The following DNAAF5 variants were observed in gnomAD, a reference collection of about 807,000 sequenced individuals.
DNAAF5 encodes HEAT repeat containing 2.
Under a neutral mutation model 75.8 loss-of-function variants are expected in DNAAF5, and 64 were observed. The observed-to-expected ratio is 0.84, with a 90% CI of 0.69 to 1.04. The LOEUF (loss-of-function observed/expected upper bound fraction) is 1.04. DNAAF5 is among the 50% of genes least tolerant of loss of function. DNAAF5 has a pLI of 0.00. For missense variants in DNAAF5, 1,269 were observed against 1,178.5 expected, an observed-to-expected ratio of 1.08 and a Z score of -1.12; for synonymous variants, 657 against 557.2, an observed-to-expected ratio of 1.18 and a Z score of -2.52.
intron 11 of DNAAF5, among the ~76,000 whole-genome samples, chr7:779,515 A>G (rs1778867807): frequency 6.6e-6 from 1 of 152,192 alleles, no homozygotes; most frequent in South Asian, 2.1e-4. Context: ...TGACCACAGT[A>G]GGGGGTTGTC....
chr7:782,255 C>G (rs9648155), intron 12 of DNAAF5, among the ~76,000 whole-genome samples: 1 of 57,870 alleles, frequency 1.7e-5, no homozygotes, highest in Non-Finnish European at 4.1e-5. Flanking sequence ...CGGATCTTCG[C>G]GGCGTGGCCA....
intron 4 of DNAAF5, among the ~76,000 whole-genome samples, chr7:745,161 A>C (rs1223203231): frequency 6.6e-6 from 1 of 152,096 alleles, no homozygotes; most frequent in African/African-American, 2.4e-5. Flanking sequence ...CTCCTTAGAG[A>C]GGGTCCAGCC....
intron 6 of DNAAF5, among the ~76,000 whole-genome samples, chr7:761,367 AT>A (rs1196582987): frequency 2.0e-5 from 3 of 152,250 alleles, no homozygotes; most frequent in Non-Finnish European, 2.9e-5. Context: ...GGAGCCCTGT[AT>A]TAGTCCATTC....
intron 4 of DNAAF5, among the ~76,000 whole-genome samples, chr7:751,497 C>T (rs930968903): frequency 6.6e-6 from 1 of 151,084 alleles, no homozygotes; most frequent in Non-Finnish European, 1.5e-5. Context: ...GAGACCCTTT[C>T]TCTAAAAATA....
chr7:740,543 A>G lies in DNAAF5; in HGVS notation c.781-276A>G, dbSNP rs1479837409. Among the ~76,000 whole-genome samples, 11 of 152,224 alleles carry G rather than the reference A, an allele frequency of 7.2e-5. No individual in the cohort carries two copies. The South Asian group carries it at 2.3e-3, about 32-fold the overall frequency. ...ACAGGACCAGGCCGGGGCACGGGGT[A>G]TGTGTGTGTGAGCCTGCAGGACAGC... On this transcript the variant is annotated intron_variant, in intron 2 of 12. Coordinates refer to ENST00000297440, the MANE Select transcript of DNAAF5 (RefSeq NM_017802.4).
chr7:781,528 T>C (rs980960969), intron 12 of DNAAF5, among the ~76,000 whole-genome samples: 9 of 152,284 alleles, frequency 5.9e-5, no homozygotes, highest in Non-Finnish European at 8.8e-5. Flanking sequence ...TTTTGGGTAT[T>C]TGCCCAGAAG....
intron 2 of DNAAF5, among the ~76,000 whole-genome samples, chr7:738,003 C>T (rs186551837): frequency 2.6e-5 from 4 of 152,350 alleles, no homozygotes; most frequent in Admixed American, 2.0e-4. Flanking sequence ...AGTAAACTTT[C>T]TACCCCGATT....
rs1344543560 is a variant in DNAAF5, at chr7:754,096, G to A, written c.1025-493G>A. On this transcript the variant is annotated intron_variant, in intron 4 of 12. Coordinates refer to ENST00000297440, the MANE Select transcript of DNAAF5 (RefSeq NM_017802.4). The surrounding 1 kb of genome is among the most constrained non-coding windows in gnomAD (Gnocchi z 4.8). ...TCTCTGATCATAGGGGGACGGCTTCGCAGGCGTGTCTCTCTGATCATACAC... is the reference window on the plus strand; with the variant it reads ...TCTCTGATCATAGGGGGACGGCTTCACAGGCGTGTCTCTCTGATCATACAC... Among the ~76,000 whole-genome samples, 3 of 152,048 alleles carry A rather than the reference G, an allele frequency of 2.0e-5. No homozygotes were observed. The highest frequency in any genetic ancestry group is 6.5e-5 in the Admixed American group (1 of 15,268).
chr7:781,600 C>T (rs985384364), intron 12 of DNAAF5, among the ~76,000 whole-genome samples: 1 of 152,216 alleles, frequency 6.6e-6, no homozygotes, highest in East Asian at 1.9e-4. Context: ...AGACTGTTCT[C>T]CCAGCGGTGC....
At chr7:742,795 TCATGCCCAGCTCAAATCA>T (rs1332453619) in intron 4 of DNAAF5, among the ~76,000 whole-genome samples, 9 of 140,072 alleles carry the variant, frequency 6.4e-5, no homozygotes, top group African/African-American at 2.5e-4. Context: ...CTCAAATCAA[TCATGCCCAGCTCAAATCA>T]CATGCCCCGC....
chr7:762,780 ATTTTTAT>A (rs1782705039), intron 7 of DNAAF5, among the ~76,000 whole-genome samples: 3 of 151,852 alleles, frequency 2.0e-5, no homozygotes, highest in Admixed American at 6.6e-5. Flanking sequence ...TACCCGGCTA[ATTTTTAT>A]ATTTTTAGTA....
Position 761,789 on chromosome 7 carries a change from G to A in DNAAF5, c.1507G>A (p.Ala503Thr), listed in dbSNP as rs773744343. Reference sequence around the variant, plus strand: ...GGAGCGCCTGCTGCTGTGTGTGCAGGCTCTGGTGTCTGTGTGTCATGAGGA... The same window carrying A: ...GGAGCGCCTGCTGCTGTGTGTGCAGACTCTGGTGTCTGTGTGTCATGAGGA... ...YLERLLLCVQ[A>T]LVSVCHEDCG... Residue 503 changes from alanine (A) to threonine (T), a missense_variant, in exon 7 of 13, where the codon GCT becomes ACT. Physicochemically the swap from Ala to Thr is moderately conservative, Grantham distance 58. Transcript: ENST00000297440. The A allele has an allele frequency of 6.2e-7, 1 of 1,605,708 alleles. No individual in the cohort carries two copies. Among genetic ancestry groups the A allele is most frequent in the Non-Finnish European group, 8.5e-7 (1 of 1,176,472 alleles).
chr7:744,991 A>G (rs1184939151), intron 4 of DNAAF5, among the ~76,000 whole-genome samples: 1 of 152,162 alleles, frequency 6.6e-6, no homozygotes, highest in Non-Finnish European at 1.5e-5. Context: ...TGCATCAGTG[A>G]TGGGAGTGGA....
At chr7:738,389 T>C (rs2128071980) in intron 2 of DNAAF5, among the ~76,000 whole-genome samples, 1 of 152,326 alleles carries the variant, frequency 6.6e-6, no homozygotes, top group East Asian at 1.9e-4. Flanking sequence ...AAAGGTCACC[T>C]ATCCCTGTCA....
At chr7:747,388 C>A (rs1782151412) in intron 4 of DNAAF5, among the ~76,000 whole-genome samples, 1 of 152,130 alleles carries the variant, frequency 6.6e-6, no homozygotes, top group East Asian at 1.9e-4. Flanking sequence ...TTTAGTGTGT[C>A]CAGCTGGTGT....
chr7:748,327 G>T (rs1378093006), intron 4 of DNAAF5, among the ~76,000 whole-genome samples: 1 of 152,132 alleles, frequency 6.6e-6, no homozygotes, highest in Non-Finnish European at 1.5e-5. Context: ...CGGCTAGTGT[G>T]CAGTGGTGGC....
chr7:743,731 A>G (rs543558649), intron 4 of DNAAF5, among the ~76,000 whole-genome samples: 2 of 145,572 alleles, frequency 1.4e-5, no homozygotes, highest in African/African-American at 5.1e-5. Flanking sequence ...TGCAACCTCC[A>G]ACTTCCAGGT....
intron 2 of DNAAF5, among the ~76,000 whole-genome samples, chr7:730,516 G>A (rs1398970038): frequency 6.6e-6 from 1 of 152,214 alleles, no homozygotes; most frequent in African/African-American, 2.4e-5. Flanking sequence ...CCAGGTTTCA[G>A]CCTTGAAGAG....
chr7:742,831 AATCAT>A (rs1343595719), intron 4 of DNAAF5, among the ~76,000 whole-genome samples: 13 of 8,024 alleles, frequency 1.6e-3, no homozygotes, highest in Non-Finnish European at 4.8e-3. Context: ...CGCTCAAATC[AATCAT>A]GCCCAGCTCA....
Sources: allele counts gnomAD v4.1 joint callset (sites outside exome capture counted in the v4.1 genomes callset), GRCh38; gene constraint gnomAD v4.1.1; non-coding constraint Gnocchi (gnomAD v3.1); transcripts MANE v1.5; gene names NCBI Gene and HGNC (gene_info 2026-07-23, HGNC 2026-07-21).